The following PALD1 variants were observed in gnomAD, a reference collection of about 807,000 sequenced individuals.
PALD1 encodes the protein paladin.
PALD1 carries 57 observed loss-of-function variants against 96.0 expected under a neutral mutation model. The observed-to-expected ratio is 0.59, with a 90% CI of 0.48 to 0.74. PALD1 has a LOEUF of 0.74. PALD1 is among the 30% of genes least tolerant of loss of function. The pLI is 0.00. For missense variants in PALD1, 1,063 were observed against 1,143.7 expected (o/e 0.93, Z 1.02); for synonymous variants, 464 against 473.6 (o/e 0.98, Z 0.26).
intron 19 of PALD1, 149 bp from the exon 20 acceptor site, chr10:70,566,432 C>T (rs934983958): frequency 1.4e-5 from 9 of 647,588 alleles, no homozygotes; most frequent in Non-Finnish European, 8.2e-6. Context: ...TATGAGGAAA[C>T]TGACGCTCAG....
the PALD1 span, among the ~76,000 whole-genome samples, chr10:70,460,918 G>A: frequency 6.6e-6 from 1 of 152,218 alleles, no homozygotes; most frequent in Non-Finnish European, 1.5e-5. Flanking sequence ...AGCCGGGCGT[G>A]GTGGCATGCG....
At chr10:70,560,175 G>T (rs1050001241) in intron 18 of PALD1, among the ~76,000 whole-genome samples, 14 of 152,202 alleles carry the variant, frequency 9.2e-5, no homozygotes, top group Non-Finnish European at 2.1e-4. Flanking sequence ...CTGTTGGGCT[G>T]GAAGGCCCGG....
intron 17 of PALD1, among the ~76,000 whole-genome samples, chr10:70,543,784 C>T (rs1041616597): frequency 6.6e-6 from 1 of 152,162 alleles, no homozygotes; most frequent in Non-Finnish European, 1.5e-5. Context: ...CACCAGGCCC[C>T]GTGCTGGGAG....
At chr10:70,479,571 C>T (rs75262417) in intron 1 of PALD1, among the ~76,000 whole-genome samples, 6,747 of 152,256 alleles carry the variant, frequency 0.044, 201 homozygotes, top group Middle Eastern at 0.068. Flanking sequence ...AAGGAGAGTA[C>T]GTTTTTCAGT....
chr10:70,545,106 G>T (rs1847334585), intron 17 of PALD1, among the ~76,000 whole-genome samples: 1 of 151,972 alleles, frequency 6.6e-6, no homozygotes, highest in Non-Finnish European at 1.5e-5. Flanking sequence ...TGGGGAGCAG[G>T]TGTGAAAGTG....
intron 1 of PALD1, among the ~76,000 whole-genome samples, chr10:70,514,676 G>T (rs1002083813): frequency 2.0e-5 from 3 of 152,118 alleles, no homozygotes; most frequent in African/African-American, 7.2e-5. Context: ...CTAATTCTCG[G>T]CTCTCTTGAG....
the PALD1 span, among the ~76,000 whole-genome samples, chr10:70,465,557 A>G: frequency 9.7e-4 from 148 of 152,210 alleles, no homozygotes; most frequent in African/African-American, 3.4e-3. Flanking sequence ...AACCCTGCCA[A>G]TTAGGCGTGA....
At chr10:70,475,021 C>G (rs1845805172), upstream of PALD1, among the ~76,000 whole-genome samples, 1 of 152,200 alleles carries the variant, frequency 6.6e-6, no homozygotes, top group African/African-American at 2.4e-5. Context: ...TGGGTGGCAA[C>G]AGTAATGACA....
chr10:70,527,488 C>T (rs984501659), intron 2 of PALD1, among the ~76,000 whole-genome samples: 1 of 152,198 alleles, frequency 6.6e-6, no homozygotes, highest in Non-Finnish European at 1.5e-5. Flanking sequence ...GTTGACACTT[C>T]CTTTCACTTA....
chr10:70,541,374 A>G (rs1367154668), intron 16 of PALD1, 89 bp from the exon 17 acceptor site: 3 of 1,527,452 alleles, frequency 2.0e-6, no homozygotes, highest in African/African-American at 1.4e-5. Flanking sequence ...AGCCCCTTCC[A>G]TCAGTCTTGG....
At chr10:70,554,256 C>T (rs911096631) in intron 18 of PALD1, among the ~76,000 whole-genome samples, 1 of 152,202 alleles carries the variant, frequency 6.6e-6, no homozygotes, top group African/African-American at 2.4e-5. Flanking sequence ...TGGTGAAACC[C>T]TGTCTCTACA....
At chr10:70,495,907 A>T (rs1205134270) in intron 1 of PALD1, among the ~76,000 whole-genome samples, 3 of 151,282 alleles carry the variant, frequency 2.0e-5, no homozygotes, top group Non-Finnish European at 2.9e-5. Context: ...GATACTTGGG[A>T]GGTTGAGATG....
intron 1 of PALD1, among the ~76,000 whole-genome samples, chr10:70,498,905 G>T (rs1410726282): frequency 6.7e-6 from 1 of 150,170 alleles, no homozygotes; most frequent in Non-Finnish European, 1.5e-5. Context: ...TCCAGATTGG[G>T]CAACAAGAGC....
chr10:70,497,828 G>A (rs183446003), intron 1 of PALD1, among the ~76,000 whole-genome samples: 1 of 152,242 alleles, frequency 6.6e-6, no homozygotes, highest in Non-Finnish European at 1.5e-5. Context: ...GCCCGCCTTG[G>A]CCTCCCAAAG....
At chr10:70,501,804 A>G (rs1269883207) in intron 1 of PALD1, among the ~76,000 whole-genome samples, 1 of 54,024 alleles carries the variant, frequency 1.9e-5, no homozygotes, top group African/African-American at 4.9e-5. Flanking sequence ...CCTTCCAGAC[A>G]TTTTTACTCT....
At chr10:70,501,572 G>C (rs1442597877) in intron 1 of PALD1, among the ~76,000 whole-genome samples, 3 of 152,204 alleles carry the variant, frequency 2.0e-5, no homozygotes, top group Non-Finnish European at 2.9e-5. Flanking sequence ...CTCACCCCGT[G>C]GGGTCAGGGT....
At chr10:70,525,867 C>G in intron 1 of PALD1, 56 bp from the exon 2 acceptor site, 1 of 1,421,006 alleles carries the variant, frequency 7.0e-7, no homozygotes, top group East Asian at 2.3e-5. Flanking sequence ...TGGGTCAGGT[C>G]TCCTGCTGTG....
chr10:70,541,758 G>A (rs1486418368), intron 17 of PALD1, among the ~76,000 whole-genome samples: 1 of 152,196 alleles, frequency 6.6e-6, no homozygotes, highest in Non-Finnish European at 1.5e-5. Context: ...GATGTGGGCT[G>A]GACCCCTCCC....
At position 70,567,891 on chromosome 10, in the gene PALD1, G is replaced by A. The variant is rs1041198303; in HGVS notation, c.*1158G>A. 1.3e-5 allele frequency: 2 copies of A among 152,260 alleles called. No homozygotes were observed. Among genetic ancestry groups the A allele is most frequent in the African/African-American group, 2.4e-5 (1 of 41,440 alleles). 9.4% of individuals were successfully genotyped at this position (152,260 alleles called of 1,614,324 possible). A position where few individuals can be genotyped will look rare whatever the true frequency, so the allele number is the denominator to read the frequency against. ...TTGCAGCTCTTCCAGCTGGGGACTG[G>A]TGCTTGCTGAAACCCAGGAGCTGAA... On this transcript the variant is annotated 3_prime_UTR_variant, in exon 20 of 20. Transcript: ENST00000263563.
Sources: allele counts gnomAD v4.1 joint callset (sites outside exome capture counted in the v4.1 genomes callset), GRCh38; gene constraint gnomAD v4.1.1; transcripts MANE v1.5; gene names NCBI Gene and HGNC (gene_info 2026-07-23, HGNC 2026-07-21).